The following BCAR3 variants were observed in gnomAD, a reference collection of about 807,000 sequenced individuals.
BCAR3 encodes BCAR3 adaptor protein, NSP family member, also known as breast cancer anti-estrogen resistance protein 3.
In BCAR3, 37 loss-of-function variants were observed where a neutral mutation model predicts 80.1. That is an observed-to-expected ratio of 0.46 (90% confidence interval 0.36 to 0.61). BCAR3 has a LOEUF of 0.61. Among genes scored for constraint, BCAR3 ranks in the 20% least tolerant of loss-of-function variants. BCAR3 has a pLI of 0.00. For missense variants in BCAR3, 978 were observed against 1,068.2 expected (o/e 0.92, Z 1.18); for synonymous variants, 389 against 418.9 (o/e 0.93, Z 0.87).
At chr1:93,636,585 T>C (rs1675789201) in intron 3 of BCAR3, among the ~76,000 whole-genome samples, 1 of 151,826 alleles carries the variant, frequency 6.6e-6, no homozygotes, top group Non-Finnish European at 1.5e-5. Flanking sequence ...GGCATTCCAA[T>C]ATTTTTTTCT....
At chr1:93,692,054 G>A (rs1649212607) in intron 3 of BCAR3, among the ~76,000 whole-genome samples, 1 of 152,206 alleles carries the variant, frequency 6.6e-6, no homozygotes, top group Admixed American at 6.5e-5. Flanking sequence ...GTGAGTGAAA[G>A]TGGTGCTATG....
At chr1:93,783,218 A>G (rs555682372) in intron 2 of BCAR3, among the ~76,000 whole-genome samples, 37 of 152,312 alleles carry the variant, frequency 2.4e-4, no homozygotes, top group African/African-American at 7.2e-4. Context: ...GGATTTTTCA[A>G]TCTCAGCACT....
chr1:93,752,117 A>C (rs745588896), intron 2 of BCAR3, among the ~76,000 whole-genome samples: 18 of 152,184 alleles, frequency 1.2e-4, no homozygotes, highest in Non-Finnish European at 2.5e-4. Flanking sequence ...GCAAGAGGCC[A>C]CCCTCTTCAA....
intron 3 of BCAR3, among the ~76,000 whole-genome samples, chr1:93,631,086 A>G (rs1001022839): frequency 1.1e-4 from 17 of 152,182 alleles, no homozygotes; most frequent in South Asian, 2.1e-4. Context: ...GAGGGCCACA[A>G]TGGCTCCAAA....
chr1:93,754,245 G>A (rs755660470), intron 2 of BCAR3: 2 of 152,138 alleles, frequency 1.3e-5, no homozygotes, highest in African/African-American at 2.4e-5. Flanking sequence ...TCAGCCTTCC[G>A]GGAAAACCAT....
intron 3 of BCAR3, among the ~76,000 whole-genome samples, chr1:93,601,435 A>G (rs558778799): frequency 1.6e-4 from 24 of 152,194 alleles, no homozygotes; most frequent in Non-Finnish European, 3.2e-4. Context: ...CAATGGTTCT[A>G]TAGATGCAGG....
At chr1:93,636,119 G>A (rs1193666411) in intron 3 of BCAR3, among the ~76,000 whole-genome samples, 1 of 152,158 alleles carries the variant, frequency 6.6e-6, no homozygotes, top group East Asian at 1.9e-4. Flanking sequence ...AGCCTTGGAT[G>A]GCCTGTAACG....
chr1:93,691,256 A>C (rs1475132972), intron 3 of BCAR3, among the ~76,000 whole-genome samples: 1 of 152,214 alleles, frequency 6.6e-6, no homozygotes, highest in Non-Finnish European at 1.5e-5. Context: ...TCAGAAGGAA[A>C]GCATTATAGA....
At chr1:93,644,076 G>A (rs1676078652) in intron 2 of BCAR3, among the ~76,000 whole-genome samples, 1 of 152,152 alleles carries the variant, frequency 6.6e-6, no homozygotes, top group Non-Finnish European at 1.5e-5. Flanking sequence ...TGACAAGAAA[G>A]TCAAAATATT....
upstream of BCAR3, chr1:93,847,480 C>G (rs1453383051): frequency 2.0e-5 from 3 of 152,536 alleles, no homozygotes; most frequent in Non-Finnish European, 4.4e-5. Context: ...GCGGCTGGGT[C>G]TCGGTGACAC....
rs139299003 is a variant in BCAR3, at chr1:93,748,754, G to A, written c.-62-42612C>T. On this transcript the variant is annotated intron_variant, in intron 2 of 13. Transcript: ENST00000370244. ...GACCTACATATTTTTCCATAGTGTC[G>A]CATGGCCTGGAACTCTATTCTTGCT... Among the ~76,000 whole-genome samples the A allele has an allele frequency of 5.5e-4, 83 of 152,170 alleles. 1 individual carries two copies. The East Asian group carries it at 0.013, about 24-fold the overall frequency.
intron 1 of BCAR3, 52 bp from the exon 2 acceptor site, chr1:93,674,993 C>A: frequency 7.2e-7 from 1 of 1,395,070 alleles, no homozygotes. Context: ...GTCACAAGAA[C>A]TGACTTCCTA....
intron 2 of BCAR3, among the ~76,000 whole-genome samples, chr1:93,822,338 G>A (rs946534483): frequency 6.6e-5 from 9 of 136,224 alleles, no homozygotes; most frequent in Non-Finnish European, 1.2e-4. Context: ...CATCTCGCAT[G>A]GCTAATTTTT....
chr1:93,730,607 C>A (rs1650752758), intron 2 of BCAR3, among the ~76,000 whole-genome samples: 1 of 152,216 alleles, frequency 6.6e-6, no homozygotes, highest in African/African-American at 2.4e-5. Context: ...GAACTGAAAA[C>A]CCCCAGGGTA....
rs779438131 is a variant in BCAR3 at position 93,589,168 on chromosome 1, G to C, written c.738C>G (p.Gly246=). ...GNRRPISQQS[G]AIIFQPINRT... is the part of the protein sequence containing the mutation. ...TGTTGATGGGCTGGAAGATGATGGC[G>C]CCACTCTGCTGGGAGATGGGCCGGC... The change falls in exon 5 of 12, where the codon GGC becomes GGG. Residue 246 remains glycine, a synonymous_variant. Transcript: ENST00000260502. 1 of 1,613,720 alleles carries C rather than the reference G, an allele frequency of 6.2e-7. No individual in the cohort carries two copies. Among genetic ancestry groups the C allele is most frequent in the Non-Finnish European group, 8.5e-7 (1 of 1,179,918 alleles).
At position 93,641,251 on chromosome 1, in the gene BCAR3, C is replaced by T. The variant is rs560909303; in HGVS notation, c.357+1053G>A. The stretch of plus-strand genomic sequence containing the variant: ...GTTCTACTGGAGCTTCCTCCTCTTC[C>T]GTCCATCCTCTGGTCTTTTAAAGAG... On this transcript the variant is annotated intron_variant, in intron 3 of 11. Transcript: ENST00000260502. Among the ~76,000 whole-genome samples the T allele has an allele frequency of 3.8e-4, 58 of 152,330 alleles. 1 individual carries two copies. The South Asian group carries it at 7.5e-3, about 20-fold the overall frequency.
chr1:93,582,566 T>C lies in BCAR3; in HGVS notation c.1421A>G (p.Asn474Ser). The C allele has an allele frequency of 6.2e-7, 1 of 1,613,488 alleles. No homozygotes were observed. The highest frequency in any genetic ancestry group is 8.5e-7 in the Non-Finnish European group (1 of 1,179,760). ...EAPGPRNSGV[N>S]YLILDDDDRE... ...GTCATCATCATCAAGGATCAAGTAG[T>C]TGACGCCAGAGTTCCGGGGACCTGG... Residue 474 changes from asparagine (N) to serine (S), a missense_variant, in exon 7 of 12, where the codon AAC becomes AGC. Transcript: ENST00000260502.
chr1:93,682,467 C>T (rs1284415706), upstream of BCAR3, among the ~76,000 whole-genome samples: 1 of 152,220 alleles, frequency 6.6e-6, no homozygotes, highest in Non-Finnish European at 1.5e-5. Flanking sequence ...TCAGGTGCTG[C>T]TGTGCTGTAT....
chr1:93,588,302 A>G (rs569334251), intron 5 of BCAR3, among the ~76,000 whole-genome samples: 202 of 152,186 alleles, frequency 1.3e-3, no homozygotes, highest in African/African-American at 4.7e-3. Context: ...CCACGTGAAG[A>G]AGAGTCCTGG....
Sources: allele counts gnomAD v4.1 joint callset (sites outside exome capture counted in the v4.1 genomes callset), GRCh38; gene constraint gnomAD v4.1.1; transcripts MANE v1.5; gene names NCBI Gene and HGNC (gene_info 2026-07-23, HGNC 2026-07-21).